Variants in B3GAT2 observed in about 807,000 individuals in gnomAD.
B3GAT2 encodes beta-1,3-glucuronyltransferase 2.
A neutral mutation model predicts 27.8 loss-of-function variants in B3GAT2; 26 were observed. That is an observed-to-expected ratio of 0.93 (90% CI 0.68 to 1.30). The LOEUF (loss-of-function observed/expected upper bound fraction) is 1.30, where lower values mean the gene tolerates loss of function less well. B3GAT2 is among the 50% of genes most tolerant of loss of function. B3GAT2 has a pLI of 0.00. For missense variants in B3GAT2, 458 were observed against 459.0 expected (o/e 1.00, Z 0.02); for synonymous variants, 218 against 195.1 (o/e 1.12, Z -0.98).
chr6:70,897,455 G>A (rs1772406800), intron 1 of B3GAT2, among the ~76,000 whole-genome samples: 1 of 151,080 alleles, frequency 6.6e-6, no homozygotes, highest in African/African-American at 2.4e-5. Flanking sequence ...ATATTTTTGT[G>A]GCTCTGCACG....
chr6:70,946,669 C>T (rs1389542061), intron 1 of B3GAT2, among the ~76,000 whole-genome samples: 30 of 152,234 alleles, frequency 2.0e-4, no homozygotes, highest in Non-Finnish European at 1.5e-4. Context: ...TTAGACAGAT[C>T]AACGAGACAG....
intron 1 of B3GAT2, among the ~76,000 whole-genome samples, chr6:70,929,358 T>C (rs556830191): frequency 6.6e-6 from 1 of 151,892 alleles, no homozygotes; most frequent in Non-Finnish European, 1.5e-5. Flanking sequence ...AAAATATATA[T>C]TTAAAAAAAG....
At chr6:70,913,268 G>T (rs186845093) in intron 1 of B3GAT2, among the ~76,000 whole-genome samples, 136 of 152,186 alleles carry the variant, frequency 8.9e-4, no homozygotes, top group African/African-American at 3.2e-3. Context: ...GTTAATTTGA[G>T]ATCTTTCTAA....
chr6:70,937,251 C>G (rs200229782), intron 1 of B3GAT2, among the ~76,000 whole-genome samples: 64,875 of 145,228 alleles, frequency 0.45, 13,675 homozygotes, highest in East Asian at 0.62. Flanking sequence ...GAAATTGTGG[C>G]AATAATCAAT....
chr6:70,885,818 A>G (rs985202672), intron 2 of B3GAT2, among the ~76,000 whole-genome samples: 1 of 152,210 alleles, frequency 6.6e-6, no homozygotes. Flanking sequence ...ATCTACAGGT[A>G]TTAGGAAGAA....
chr6:70,925,619 G>C (rs1772942961), intron 1 of B3GAT2, among the ~76,000 whole-genome samples: 1 of 150,634 alleles, frequency 6.6e-6, no homozygotes, highest in Non-Finnish European at 1.5e-5. Context: ...CCATTGCTGA[G>C]GCTTGACTAG....
At chr6:70,861,777 GCGCACTCTTCATGGTGA>G in intron 3 of B3GAT2, 28 bp from the exon 4 acceptor site, 2 of 1,614,020 alleles carry the variant, frequency 1.2e-6, no homozygotes, top group Non-Finnish European at 1.7e-6. Flanking sequence ...AGCTTGGGTA[GCGCACTCTTCATGGTGA>G]CACTCGAGGT....
chr6:70,886,423 T>C (rs592243), intron 2 of B3GAT2, among the ~76,000 whole-genome samples: 50,539 of 152,154 alleles, frequency 0.33, 13,087 homozygotes, highest in African/African-American at 0.7. Context: ...CTGGACATCC[T>C]GATAGAAAGG....
At chr6:70,941,367 G>A (rs573044531) in intron 1 of B3GAT2, among the ~76,000 whole-genome samples, 32 of 152,108 alleles carry the variant, frequency 2.1e-4, no homozygotes, top group Non-Finnish European at 4.1e-4. Flanking sequence ...ACAATCACTC[G>A]AGGCAGTCAA....
chr6:70,906,917 C>T (rs930317488), intron 1 of B3GAT2, among the ~76,000 whole-genome samples: 1 of 152,066 alleles, frequency 6.6e-6, no homozygotes, highest in Admixed American at 6.6e-5. Context: ...TATACACAAG[C>T]AACTATCATG....
rs758035011 is a variant in B3GAT2 at position 70,955,875 on chromosome 6, G to A, written c.555C>T (p.Asp185=). The A allele has an allele frequency of 2.2e-5, 35 of 1,605,418 alleles. No homozygotes were observed. Among genetic ancestry groups the A allele is most frequent in the Middle Eastern group, 1.6e-4 (1 of 6,066 alleles). Residue 185 remains aspartate (D), a synonymous_variant, in exon 1 of 4, where the codon GAC becomes GAT. Transcript: ENST00000230053. The stretch of plus-strand genomic sequence containing the variant: ...GCTCCAGACTATAGGTGTTGTCGTC[G>A]TCAGCGAAGAAGAGCACGCCGGGCT... ...RAQPGVLFFA[D]DDNTYSLELF...
chr6:70,956,064 G>T lies in B3GAT2; in HGVS notation c.366C>A (p.Arg122=). ...CCAGGAAGCGGCTCACCAGCTCGCT[G>T]CGCGCCGCCGCGTCCTCCACCAGGA... ...HWILVEDAAA[R]SELVSRFLAR... Residue 122 remains arginine (R), a synonymous_variant, in exon 1 of 4, where the codon CGC becomes CGA. Transcript: ENST00000230053. 2 of 1,588,196 alleles carry T rather than the reference G, an allele frequency of 1.3e-6. No individual in the cohort carries two copies.
At position 70,858,333 on chromosome 6, in the gene B3GAT2, A is replaced by C. The variant is rs908340130; in HGVS notation, c.*3330T>G. 2 of 1,052,522 alleles carry C rather than the reference A, an allele frequency of 1.9e-6. No homozygotes were observed. The highest frequency in any genetic ancestry group is 2.6e-6 in the Non-Finnish European group (2 of 768,552). The allele number at this position is 1,052,522 out of a possible 1,614,324, so 65.2% of individuals were successfully genotyped here. A position where few individuals can be genotyped will look rare whatever the true frequency, so the allele number is the denominator to read the frequency against. ...TTTTTTTTAAGTCTAGTGATCTGGC[A>C]GAAAGAATTCAATAGGGATAATATG... On this transcript the variant is annotated 3_prime_UTR_variant, in exon 4 of 4. Coordinates refer to ENST00000230053, the MANE Select transcript of B3GAT2 (RefSeq NM_080742.3).
chr6:70,865,264 C>T (rs1324423701), intron 2 of B3GAT2, among the ~76,000 whole-genome samples: 5 of 152,040 alleles, frequency 3.3e-5, no homozygotes, highest in Admixed American at 3.3e-4. Context: ...GTAGCTGGGA[C>T]TACAGACGTG....
At chr6:70,920,356 A>G (rs527484902) in intron 1 of B3GAT2, among the ~76,000 whole-genome samples, 13 of 152,316 alleles carry the variant, frequency 8.5e-5, no homozygotes, top group African/African-American at 3.1e-4. Flanking sequence ...GGAAAGGGAA[A>G]TCCCCTGACC....
intron 1 of B3GAT2, among the ~76,000 whole-genome samples, chr6:70,924,977 T>G (rs2150043285): frequency 6.6e-6 from 1 of 152,346 alleles, no homozygotes; most frequent in Non-Finnish European, 1.5e-5. Flanking sequence ...GAGATGTCTT[T>G]TCAGGCTTTT....
intron 1 of B3GAT2, among the ~76,000 whole-genome samples, chr6:70,920,866 G>A (rs1044342809): frequency 6.6e-6 from 1 of 152,148 alleles, no homozygotes; most frequent in African/African-American, 2.4e-5. Context: ...TGTCTGAAAA[G>A]GATCTTGTTT....
chr6:70,956,300 C>G lies in B3GAT2; in HGVS notation c.130G>C (p.Ala44Pro), dbSNP rs1765656723. The stretch of plus-strand genomic sequence containing the variant: ...AGTCGGGCGCCCCCGCGGCCCACCG[C>G]GTAGGGAGAGAAGTAGGGGCGCGGG... ...LTPRPYFSPY[A>P]VGRGGARLPL... Residue 44 changes from alanine to proline, a missense_variant, in exon 1 of 4, where the codon GCG becomes CCG. By Grantham distance (27) the Ala-to-Pro change is conservative. Transcript: ENST00000230053. The G allele has an allele frequency of 1.3e-6, 2 of 1,599,340 alleles. No individual in the cohort carries two copies. The highest frequency in any genetic ancestry group is 1.7e-6 in the Non-Finnish European group (2 of 1,172,664).
chr6:70,882,317 T>C (rs553883211), intron 2 of B3GAT2, among the ~76,000 whole-genome samples: 29 of 152,124 alleles, frequency 1.9e-4, no homozygotes, highest in East Asian at 9.7e-4. Context: ...CTGGCTAACA[T>C]GGTGAAACCC....
Sources: gnomAD v4.1 joint callset for allele counts (sites outside exome capture counted in the v4.1 genomes callset) on GRCh38, gnomAD v4.1.1 for gene constraint, MANE v1.5 for transcripts, NCBI Gene and HGNC (gene_info 2026-07-23, HGNC 2026-07-21) for gene names.